The following P3H2 variants were observed in gnomAD, a reference collection of about 807,000 sequenced individuals.
The protein encoded by P3H2 is leprecan-like 1.
A neutral mutation model predicts 87.0 loss-of-function variants in P3H2; 80 were observed. That is an observed-to-expected ratio of 0.92 (90% CI 0.77 to 1.11). The LOEUF (loss-of-function observed/expected upper bound fraction) is 1.11, where lower values mean the gene tolerates loss of function less well. Ranked by LOEUF, P3H2 falls within the 50% of genes least tolerant of loss-of-function variation. The probability of loss-of-function intolerance (pLI) is 0.00; values close to 1 mark genes in which losing one functional copy is unlikely to be tolerated. For synonymous variants in P3H2, 367 were observed against 359.3 expected (o/e 1.02, Z -0.24); for missense variants, 1,001 against 923.9 (o/e 1.08, Z -1.08).
intron 1 of P3H2, among the ~76,000 whole-genome samples, chr3:190,072,223 G>C (rs4334626): frequency 0.24 from 36,295 of 151,858 alleles, 4,677 homozygotes; most frequent in African/African-American, 0.33. Context: ...GACGGGGTTT[G>C]ACCATGTTGG....
intron 14 of P3H2, 101 bp from the exon 15 acceptor site, chr3:189,958,105 T>C: frequency 1.2e-6 from 1 of 827,424 alleles, no homozygotes; most frequent in Non-Finnish European, 2.1e-6. Context: ...TGTACATGGG[T>C]TGATGCTATA....
chr3:190,083,033 C>T (rs531825205), intron 1 of P3H2, among the ~76,000 whole-genome samples: 31 of 152,282 alleles, frequency 2.0e-4, no homozygotes, highest in African/African-American at 6.3e-4. Flanking sequence ...GAGGATCATG[C>T]AGCTTATCTG....
In P3H2 at chr3:190,120,399, G is replaced by A. The variant is rs1233883533; in HGVS notation, c.333C>T (p.Arg111=). The A allele has an allele frequency of 5.8e-6, 9 of 1,542,390 alleles. No homozygotes were observed. Among genetic ancestry groups the A allele is most frequent in the Non-Finnish European group, 1.7e-6 (2 of 1,150,604 alleles). Residue 111 remains arginine, a synonymous_variant, in exon 1 of 15, where the codon CGC becomes CGT. Coordinates refer to ENST00000319332, the MANE Select transcript of P3H2 (RefSeq NM_018192.4). ...AACAGCGCGCCCGCCCCAACAAGGA[G>A]CGGAAAAGGGGCAGCTCAGCGCCGG... The part of the protein sequence containing the change: ...EGPGAELPLF[R]SLLGRARCYR...
At chr3:190,051,864 A>AC (rs1725994388) in intron 1 of P3H2, among the ~76,000 whole-genome samples, 1 of 152,036 alleles carries the variant, frequency 6.6e-6, no homozygotes, top group African/African-American at 2.4e-5. Flanking sequence ...AGGATGGAAA[A>AC]TTTCTAAGCA....
chr3:190,029,897 G>A (rs1358408268), intron 1 of P3H2, among the ~76,000 whole-genome samples: 2 of 151,886 alleles, frequency 1.3e-5, no homozygotes, highest in African/African-American at 4.8e-5. Context: ...AGCCATTCAG[G>A]AGGCTGAGGC....
chr3:190,102,470 A>G (rs1711664477), intron 1 of P3H2, among the ~76,000 whole-genome samples: 1 of 152,254 alleles, frequency 6.6e-6, no homozygotes, highest in African/African-American at 2.4e-5. Flanking sequence ...TCAAGATTTC[A>G]GTGGAGAAAG....
In P3H2 at chr3:189,970,853, T is replaced by C; in HGVS notation, c.1856A>G (p.Glu619Gly). Residue 619 changes from glutamate to glycine, a missense_variant, in exon 13 of 15, where the codon GAA becomes GGA. Physicochemically the swap from Glu to Gly is moderately conservative, Grantham distance 98. Transcript: ENST00000319332. ...LYMNDDFEGG[E>G]FIFTEMDAKT... ...AGCATCCATCTCTGTGAATATGAAT[T>C]CTCCTCCTTCAAAGTCATCATTCAT... 1 of 1,591,746 alleles carries C rather than the reference T, an allele frequency of 6.3e-7. No homozygotes were observed. Among genetic ancestry groups the C allele is most frequent in the South Asian group, 1.1e-5 (1 of 90,640 alleles).
At position 189,987,587 on chromosome 3, in the gene P3H2, C is replaced by G. The variant is rs1723745654; in HGVS notation, c.1038G>C (p.Val346=). 6.2e-7 allele frequency: 1 copy of G among 1,614,050 alleles called. No individual in the cohort carries two copies. The highest frequency in any genetic ancestry group is 2.2e-5 in the East Asian group (1 of 44,882). ...HPDDEDVLDN[V]DYYESLLDDS... ...CATCCAGCAGACTCTCATAGTAATC[C>G]ACATTGTCTAGGACATCCTCATCAT... The change falls in exon 5 of 15, where the codon GTG becomes GTC. Residue 346 remains valine (V), a synonymous_variant. Coordinates refer to ENST00000319332, the MANE Select transcript of P3H2 (RefSeq NM_018192.4).
chr3:190,067,031 G>C (rs1309582107), intron 1 of P3H2, among the ~76,000 whole-genome samples: 3 of 139,430 alleles, frequency 2.2e-5, no homozygotes, highest in South Asian at 2.2e-4. Context: ...TTTTTGTAGA[G>C]ATGGGGTCTT....
upstream of P3H2, among the ~76,000 whole-genome samples, chr3:190,121,867 G>A (rs548824912): frequency 6.6e-6 from 1 of 152,262 alleles, no homozygotes; most frequent in East Asian, 1.9e-4. Context: ...CAAGGCGGGT[G>A]GATCACCTGA....
At chr3:190,029,618 C>A (rs1725190911) in intron 1 of P3H2, among the ~76,000 whole-genome samples, 1 of 152,012 alleles carries the variant, frequency 6.6e-6, no homozygotes, top group South Asian at 2.1e-4. Flanking sequence ...TGTTATTTAA[C>A]CCTGTTCTAG....
rs546694086 is a variant in P3H2, at chr3:190,120,785, C to T, written c.-54G>A. Reference sequence around the variant, plus strand: ...TACGCTCGAGAGGGCTTCGGGGCACCTCGCGTCCGGGTCCCCTCTCCCACC... The same window carrying T: ...TACGCTCGAGAGGGCTTCGGGGCACTTCGCGTCCGGGTCCCCTCTCCCACC... On this transcript the variant is annotated 5_prime_UTR_variant, in exon 1 of 15. Transcript: ENST00000319332. The T allele has an allele frequency of 4.9e-5, 74 of 1,500,478 alleles. No individual in the cohort carries two copies. In the African/African-American group the frequency reaches 9.5e-4, roughly 19 times the overall value. The allele number at this position is 1,500,478 out of a possible 1,614,324, so 92.9% of individuals were successfully genotyped here. A position where few individuals can be genotyped will look rare whatever the true frequency, so the allele number is the denominator to read the frequency against.
intron 7 of P3H2, 38 bp from the exon 8 acceptor site, chr3:189,983,178 T>C (rs1294380173): frequency 1.4e-6 from 2 of 1,448,244 alleles, no homozygotes; most frequent in South Asian, 1.1e-5. Flanking sequence ...AATTTGTCAT[T>C]GAATAACGAT....
At chr3:190,111,477 T>C (rs1335123440) in intron 1 of P3H2, among the ~76,000 whole-genome samples, 2 of 152,238 alleles carry the variant, frequency 1.3e-5, no homozygotes, top group East Asian at 1.9e-4. Flanking sequence ...GTTCCATTAA[T>C]GTGGCAGGGT....
chr3:190,038,474 T>A (rs1577288726), intron 1 of P3H2, among the ~76,000 whole-genome samples: 20 of 50,452 alleles, frequency 4.0e-4, no homozygotes, highest in Admixed American at 8.0e-4. Context: ...CAAGAAGAAC[T>A]AACTGCAGAA....
At position 190,057,617 on chromosome 3, in the gene P3H2, G is replaced by A. The variant is rs372403167; in HGVS notation, c.481-62175C>T. On this transcript the variant is annotated intron_variant, in intron 1 of 14. Coordinates refer to ENST00000319332, the MANE Select transcript of P3H2 (RefSeq NM_018192.4). ...TGGGATAATGGTGTGGACGCTGAGA[G>A]GAAAGAAAAAAGCCATCACACTTTA... Among the ~76,000 whole-genome samples, 5 of 145,476 alleles carry A rather than the reference G, an allele frequency of 3.4e-5. No individual in the cohort carries two copies. In the South Asian group the frequency reaches 6.5e-4, roughly 19 times the overall value.
intron 1 of P3H2, among the ~76,000 whole-genome samples, chr3:190,066,528 G>T (rs1378611975): frequency 6.6e-6 from 1 of 151,934 alleles, no homozygotes; most frequent in Admixed American, 6.6e-5. Flanking sequence ...ACTACAAATT[G>T]GGTTCAGTGT....
chr3:190,078,610 G>C (rs1726945710), intron 1 of P3H2, among the ~76,000 whole-genome samples: 1 of 152,128 alleles, frequency 6.6e-6, no homozygotes, highest in Admixed American at 6.5e-5. Flanking sequence ...TGAGACAAGG[G>C]AGACATACTA....
chr3:190,060,633 T>C (rs1726301716), intron 1 of P3H2, among the ~76,000 whole-genome samples: 1 of 152,196 alleles, frequency 6.6e-6, no homozygotes, highest in Non-Finnish European at 1.5e-5. Context: ...TGGCCTAATT[T>C]AGCCTATGAT....
Sources: gnomAD v4.1 joint callset for allele counts (sites outside exome capture counted in the v4.1 genomes callset) on GRCh38, gnomAD v4.1.1 for gene constraint, MANE v1.5 for transcripts, NCBI Gene and HGNC (gene_info 2026-07-23, HGNC 2026-07-21) for gene names.